Variants in SSPN observed in about 807,000 individuals in gnomAD.
SSPN encodes the protein K-ras oncogene-associated protein.
Under a neutral mutation model 19.1 loss-of-function variants are expected in SSPN, and 15 were observed. The observed-to-expected ratio is 0.78, with a 90% confidence interval of 0.52 to 1.21. The LOEUF (loss-of-function observed/expected upper bound fraction) is 1.21, where lower values mean the gene tolerates loss of function less well. Among genes scored for constraint, SSPN ranks in the 50% most tolerant of loss-of-function variants. The probability of loss-of-function intolerance (pLI) is 0.00; values close to 1 mark genes in which losing one functional copy is unlikely to be tolerated. For synonymous variants in SSPN, 147 were observed against 140.3 expected, an observed-to-expected ratio of 1.05 and a Z score of -0.34; for missense variants, 291 against 314.0, an observed-to-expected ratio of 0.93 and a Z score of 0.55.
chr12:26,187,946 A>G (rs1472050009), intron 1 of SSPN, among the ~76,000 whole-genome samples: 1 of 152,224 alleles, frequency 6.6e-6, no homozygotes, highest in African/African-American at 2.4e-5. Context: ...GAAATTGCAC[A>G]GAAAGATAAT....
chr12:26,141,661 G>A (rs1333323296), intron 1 of SSPN, among the ~76,000 whole-genome samples: 2 of 152,134 alleles, frequency 1.3e-5, no homozygotes, highest in Non-Finnish European at 2.9e-5. Context: ...TAGCTTCTGT[G>A]AGAATATGAA....
At chr12:26,148,475 A>G (rs1211324304) in intron 1 of SSPN, among the ~76,000 whole-genome samples, 1 of 152,234 alleles carries the variant, frequency 6.6e-6, no homozygotes, top group Non-Finnish European at 1.5e-5. Context: ...TTGTGTGATG[A>G]TAAAGAACGG....
rs981783070 is a variant in SSPN, at chr12:26,195,710, AG to A, written c.44del (p.Gly15AlafsTer53). On this transcript the variant is annotated frameshift_variant, in exon 1 of 3. Coordinates refer to ENST00000242729, the MANE Select transcript of SSPN (RefSeq NM_005086.5). LOFTEE classifies it high-confidence loss of function. ...KNKQPRGQQR[Q>X]GGPPAADAAG... is the part of the protein sequence containing the mutation. ...AAGCAGCCACGCGGCCAGCAGAGGC[AG>A]GGGGGCCCGCCGGCCGCGGACGCCG... is the stretch of plus-strand genomic sequence containing the variant. 18 of 1,178,338 alleles carry A rather than the reference AG, an allele frequency of 1.5e-5. No homozygotes were observed. In the East Asian group the frequency reaches 3.2e-4, roughly 21 times the overall value. The allele number at this position is 1,178,338 out of a possible 1,614,324, so 73.0% of individuals were successfully genotyped here. A position where few individuals can be genotyped will look rare whatever the true frequency, so the allele number is the denominator to read the frequency against.
intron 1 of SSPN, among the ~76,000 whole-genome samples, chr12:26,127,955 C>T (rs1489141257): frequency 6.6e-6 from 1 of 152,198 alleles, no homozygotes; most frequent in Non-Finnish European, 1.5e-5. Flanking sequence ...ATTCAAAGAG[C>T]TTTTTATGTA....
chr12:26,130,688 C>A (rs2137396432), intron 1 of SSPN, among the ~76,000 whole-genome samples: 1 of 152,256 alleles, frequency 6.6e-6, no homozygotes, highest in African/African-American at 2.4e-5. Flanking sequence ...TTAGGAAGTT[C>A]TTTTTTGGTC....
Position 26,234,247 on chromosome 12 carries a change from G to A in SSPN, c.*3171G>A, listed in dbSNP as rs1449907630. 1 of 152,184 alleles carries A rather than the reference G, an allele frequency of 6.6e-6. No individual in the cohort carries two copies. Among genetic ancestry groups the A allele is most frequent in the Non-Finnish European group, 1.5e-5 (1 of 68,034 alleles). The allele number at this position is 152,184 out of a possible 1,614,324, so 9.4% of individuals were successfully genotyped here. ...GGTGAGATCAAGGGACAAAGGTAGA[G>A]TGGTTATTTAAAGACAATCAGAAAT... On this transcript the variant is annotated 3_prime_UTR_variant, in exon 3 of 3. Coordinates refer to ENST00000242729, the MANE Select transcript of SSPN (RefSeq NM_005086.5).
chr12:26,190,784 C>A (rs1284083789), upstream of SSPN, among the ~76,000 whole-genome samples: 1 of 152,128 alleles, frequency 6.6e-6, no homozygotes, highest in African/African-American at 2.4e-5. Context: ...ATTGAGATGT[C>A]ATTGTATACA....
chr12:26,224,048 T>C (rs1945150983), intron 1 of SSPN, among the ~76,000 whole-genome samples: 1 of 152,198 alleles, frequency 6.6e-6, no homozygotes, highest in Non-Finnish European at 1.5e-5. Flanking sequence ...CTCTGAAGGA[T>C]CTTGTATAGC....
intron 1 of SSPN, among the ~76,000 whole-genome samples, chr12:26,133,721 C>T (rs1161772875): frequency 3.9e-5 from 6 of 152,224 alleles, no homozygotes; most frequent in Non-Finnish European, 8.8e-5. Flanking sequence ...CTCACATCTG[C>T]ACACAGCTGC....
In SSPN at chr12:26,165,916, T is replaced by C. The variant is rs376054680; in HGVS notation, c.-31+43764T>C. Among the ~76,000 whole-genome samples the C allele has an allele frequency of 1.4e-4, 22 of 152,340 alleles. No individual in the cohort carries two copies. In the East Asian group the frequency reaches 3.5e-3, roughly 24 times the overall value. On this transcript the variant is annotated intron_variant, in intron 1 of 2. Coordinates refer to the SSPN transcript ENST00000538142. ...AGATGAAGAAATTCTGGAGAGCCCC[T>C]TCTGAACAGCTTTTAACTAGGCTCT...
chr12:26,191,829 T>C (rs937351884), upstream of SSPN, among the ~76,000 whole-genome samples: 7 of 152,216 alleles, frequency 4.6e-5, no homozygotes, highest in Non-Finnish European at 7.3e-5. Flanking sequence ...CCAATTGTTT[T>C]CTGCAGAGTA....
chr12:26,223,441 C>T (rs1591895181), intron 1 of SSPN, among the ~76,000 whole-genome samples: 2 of 152,356 alleles, frequency 1.3e-5, no homozygotes, highest in African/African-American at 2.4e-5. Context: ...AACTCCTGAC[C>T]TCAGGTGATC....
At chr12:26,183,774 T>C (rs1007029256) in intron 1 of SSPN, among the ~76,000 whole-genome samples, 1 of 152,210 alleles carries the variant, frequency 6.6e-6, no homozygotes, top group Non-Finnish European at 1.5e-5. Context: ...GCTTTGTAGC[T>C]GGACACCACT....
chr12:26,160,734 A>G (rs958841142), intron 1 of SSPN, among the ~76,000 whole-genome samples: 8 of 151,896 alleles, frequency 5.3e-5, no homozygotes, highest in African/African-American at 1.9e-4. Flanking sequence ...ATTATCTTTC[A>G]TCTTATCCTA....
intron 1 of SSPN, among the ~76,000 whole-genome samples, chr12:26,223,236 G>T (rs1289551272): frequency 3.9e-5 from 6 of 152,138 alleles, no homozygotes; most frequent in Non-Finnish European, 8.8e-5. Context: ...TTGAGATGGA[G>T]TTTCGCTCTT....
At chr12:26,149,589 T>C (rs1011942422) in intron 1 of SSPN, among the ~76,000 whole-genome samples, 1 of 152,216 alleles carries the variant, frequency 6.6e-6, no homozygotes, top group Non-Finnish European at 1.5e-5. Context: ...ATCCAGCTTA[T>C]AGATTTCTTG....
chr12:26,214,333 C>T (rs771369007), intron 1 of SSPN, among the ~76,000 whole-genome samples: 2 of 152,166 alleles, frequency 1.3e-5, no homozygotes, highest in African/African-American at 2.4e-5. Context: ...CTCTGCAGTT[C>T]TTGCTTATAG....
At chr12:26,159,486 G>T (rs548398649) in intron 1 of SSPN, among the ~76,000 whole-genome samples, 1 of 152,180 alleles carries the variant, frequency 6.6e-6, no homozygotes, top group South Asian at 2.1e-4. Context: ...CTCAGATGAA[G>T]ATCCCACAGG....
At chr12:26,163,932 T>C (rs998228659) in intron 1 of SSPN, among the ~76,000 whole-genome samples, 13 of 152,206 alleles carry the variant, frequency 8.5e-5, no homozygotes, top group African/African-American at 3.1e-4. Flanking sequence ...GCAAAAGCAG[T>C]CCCTGCTGTC....
Sources: allele counts gnomAD v4.1 joint callset (sites outside exome capture counted in the v4.1 genomes callset), GRCh38; gene constraint gnomAD v4.1.1; transcripts MANE v1.5; gene names NCBI Gene and HGNC (gene_info 2026-07-23, HGNC 2026-07-21).